Variants in ACSM3 observed in about 807,000 individuals in gnomAD.
The protein encoded by ACSM3 is acyl-coenzyme A synthetase ACSM3, mitochondrial.
ACSM3 carries 61 observed loss-of-function variants against 74.1 expected under a neutral mutation model. The observed-to-expected ratio is 0.82, with a 90% CI of 0.67 to 1.02. The LOEUF (loss-of-function observed/expected upper bound fraction) is 1.02. Ranked by LOEUF, ACSM3 falls within the 50% of genes least tolerant of loss-of-function variation. The probability of loss-of-function intolerance (pLI) is 0.00; values close to 1 mark genes in which losing one functional copy is unlikely to be tolerated. For synonymous variants in ACSM3, 213 were observed against 241.5 expected, an observed-to-expected ratio of 0.88 and a Z score of 1.09; for missense variants, 660 against 697.0, an observed-to-expected ratio of 0.95 and a Z score of 0.60.
intron 1 of ACSM3, 85 bp from the exon 2 acceptor site, chr16:20,769,899 A>C: frequency 5.6e-6 from 4 of 717,720 alleles, no homozygotes; most frequent in Non-Finnish European, 7.1e-6. Context: ...ATGATTATCA[A>C]TACTAATAAC....
intron 1 of ACSM3, among the ~76,000 whole-genome samples, chr16:20,724,205 G>A (rs1346192620): frequency 6.6e-6 from 1 of 152,110 alleles, no homozygotes; most frequent in Non-Finnish European, 1.5e-5. Context: ...ATTCATCCCT[G>A]GGATGCAAGG....
chr16:20,753,888 A>G (rs896750981), intron 2 of ACSM3, among the ~76,000 whole-genome samples: 8 of 151,410 alleles, frequency 5.3e-5, no homozygotes, highest in African/African-American at 1.9e-4. Context: ...GAGAGAGAGA[A>G]AGAAAGAAAG....
chr16:20,702,473 A>T (rs1276301393), intron 1 of ACSM3, among the ~76,000 whole-genome samples: 1 of 152,096 alleles, frequency 6.6e-6, no homozygotes, highest in Non-Finnish European at 1.5e-5. Context: ...TGGCCTCCCA[A>T]ATGTTTCCTG....
At chr16:20,683,690 T>A (rs1011761319) in intron 1 of ACSM3, among the ~76,000 whole-genome samples, 1 of 107,158 alleles carries the variant, frequency 9.3e-6, no homozygotes, top group Admixed American at 1.0e-4. Flanking sequence ...CCTGGCTAAT[T>A]CTTTCTTTCT....
At chr16:20,737,230 T>G in intron 1 of ACSM3, 1 of 1,614,212 alleles carries the variant, frequency 6.2e-7, no homozygotes, top group Non-Finnish European at 8.5e-7. Context: ...ACTACCACTG[T>G]GTACTGTGGA....
chr16:20,739,542 CG>C (rs1236688840), intron 1 of ACSM3, among the ~76,000 whole-genome samples: 2 of 152,106 alleles, frequency 1.3e-5, no homozygotes, highest in South Asian at 2.1e-4. Context: ...GGAGCAAGGC[CG>C]GAAGTGGTGG....
intron 1 of ACSM3, chr16:20,725,381 T>C (rs2079801202): frequency 4.1e-6 from 1 of 246,898 alleles, no homozygotes; most frequent in Admixed American, 4.1e-5. Context: ...ACTTATCCCA[T>C]CACAACCCTG....
chr16:20,786,894 G>T (rs1251717999), intron 9 of ACSM3, among the ~76,000 whole-genome samples: 1 of 152,120 alleles, frequency 6.6e-6, no homozygotes, highest in Non-Finnish European at 1.5e-5. Context: ...GTCCTCTCAG[G>T]CAAGGGAGGT....
At position 20,729,398 on chromosome 16, in the gene ACSM3, G is replaced by C. The variant is rs187818876; in HGVS notation, c.-189-20512G>C. ...ACTCTTAAGAGGCAAGGATTGACAG[G>C]GGGGGAGCTCTCCTACTGGAGGATG... is the stretch of plus-strand genomic sequence containing the variant. On this transcript the variant is annotated intron_variant, in intron 1 of 3. Transcript: ENST00000561584. 1.4e-3 allele frequency: 1,628 copies of C among 1,149,894 alleles called. 4 individuals carry two copies. Among genetic ancestry groups the C allele is most frequent in the Non-Finnish European group, 1.3e-3 (1,007 of 762,436 alleles). The allele number at this position is 1,149,894 out of a possible 1,614,324, so 71.2% of individuals were successfully genotyped here.
At chr16:20,727,402 T>G (rs1217030931) in intron 1 of ACSM3, 1 of 563,492 alleles carries the variant, frequency 1.8e-6, no homozygotes, top group East Asian at 5.4e-5. Context: ...ACCCCGGAGG[T>G]GCTGGAGCAG....
At chr16:20,696,213 G>T (rs907406172) in intron 1 of ACSM3, among the ~76,000 whole-genome samples, 5 of 152,152 alleles carry the variant, frequency 3.3e-5, no homozygotes, top group Admixed American at 6.5e-5. Context: ...ACCTAACAAT[G>T]CATTTCTCAG....
upstream of ACSM3, among the ~76,000 whole-genome samples, chr16:20,763,347 T>C (rs1388488461): frequency 6.6e-6 from 1 of 152,108 alleles, no homozygotes; most frequent in East Asian, 1.9e-4. Context: ...AATGAGGAAT[T>C]TGGCCAGGGG....
At chr16:20,741,741 G>T in intron 1 of ACSM3, 1 of 1,566,540 alleles carries the variant, frequency 6.4e-7, no homozygotes, top group Non-Finnish European at 8.7e-7. Flanking sequence ...GGCCGCCATG[G>T]TGTGCGCAAA....
intron 1 of ACSM3, among the ~76,000 whole-genome samples, chr16:20,769,609 C>G (rs1048045301): frequency 2.0e-5 from 3 of 152,210 alleles, no homozygotes. Context: ...TAGCCCTTTG[C>G]TTTCAGTGAG....
intron 1 of ACSM3, chr16:20,737,020 G>A (rs199723554): frequency 6.8e-6 from 11 of 1,614,156 alleles, no homozygotes; most frequent in Non-Finnish European, 9.3e-6. Context: ...TCTGGTACCT[G>A]CTGGTTATTT....
rs537932144 is a variant in ACSM3 at position 20,785,050 on chromosome 16, A to G, written c.1086A>G (p.Glu362=). ...AACCAATTACCCCTGACGTGACTGA[A>G]AAATGGAGAAACAAGACGGGCCTGG... ...AGEPITPDVT[E]KWRNKTGLDI... is the part of the protein sequence containing the mutation. The change falls in exon 8 of 14, where the codon GAA becomes GAG. Residue 362 remains glutamate (E), a synonymous_variant. Transcript: ENST00000289416. The G allele has an allele frequency of 1.9e-6, 3 of 1,613,822 alleles. No homozygotes were observed. In the Admixed American group the frequency reaches 5.0e-5, roughly 27 times the overall value.
intron 1 of ACSM3, among the ~76,000 whole-genome samples, chr16:20,725,789 T>C (rs2152400017): frequency 6.6e-6 from 1 of 152,200 alleles, no homozygotes; most frequent in African/African-American, 2.4e-5. Context: ...CTGGCCAACA[T>C]GGCAAAACCC....
At chr16:20,715,737 G>A (rs541247897) in intron 1 of ACSM3, among the ~76,000 whole-genome samples, 31 of 152,206 alleles carry the variant, frequency 2.0e-4, no homozygotes, top group African/African-American at 6.5e-4. Context: ...TTAAGACTAC[G>A]ATACACCAGT....
chr16:20,747,329 C>G (rs1464185602), intron 1 of ACSM3, among the ~76,000 whole-genome samples: 3 of 152,170 alleles, frequency 2.0e-5, no homozygotes, highest in African/African-American at 7.2e-5. Context: ...CCCTTCTGTA[C>G]AGCATGGCAA....
Sources: allele counts gnomAD v4.1 joint callset (sites outside exome capture counted in the v4.1 genomes callset), GRCh38; gene constraint gnomAD v4.1.1; transcripts MANE v1.5; gene names NCBI Gene and HGNC (gene_info 2026-07-23, HGNC 2026-07-21).